Variants in LRRC4C observed in about 807,000 individuals in gnomAD.
LRRC4C encodes leucine rich repeat containing 4C.
In LRRC4C, 5 loss-of-function variants were observed where a neutral mutation model predicts 33.6. The observed-to-expected ratio is 0.15, with a 90% CI of 0.08 to 0.31. LRRC4C has a LOEUF of 0.31. Ranked by LOEUF, LRRC4C falls within the 10% of genes least tolerant of loss-of-function variation. LRRC4C has a pLI of 1.00. For missense variants in LRRC4C, 560 were observed against 796.7 expected (o/e 0.70, Z 3.58); for synonymous variants, 329 against 302.0 (o/e 1.09, Z -0.93).
At chr11:41,236,247 G>A (rs992763337) in intron 1 of LRRC4C, among the ~76,000 whole-genome samples, 12 of 152,076 alleles carry the variant, frequency 7.9e-5, no homozygotes, top group Admixed American at 7.9e-4. Flanking sequence ...AAAAGAAAGT[G>A]CTTGAATCTC....
chr11:41,455,481 C>T (rs1419949622), intron 1 of LRRC4C, among the ~76,000 whole-genome samples: 6 of 152,080 alleles, frequency 3.9e-5, no homozygotes, highest in African/African-American at 1.4e-4. Flanking sequence ...CACATATTCA[C>T]AAGTAACTAA....
intron 2 of LRRC4C, among the ~76,000 whole-genome samples, chr11:40,810,159 C>T (rs1459610676): frequency 6.6e-6 from 1 of 152,146 alleles, no homozygotes; most frequent in Non-Finnish European, 1.5e-5. Flanking sequence ...GTTCAGGTTA[C>T]CAGTGACCTT....
In LRRC4C at chr11:40,949,822, A is replaced by C. The variant is rs375674155; in HGVS notation, c.-495-16099T>G. ...AACTGCATCAACTAACGAGCAAAAT[A>C]ACCAGCTAACATCATAATGACAGGA... On this transcript the variant is annotated intron_variant, in intron 1 of 6. Transcript: ENST00000528697. 1.9e-4 allele frequency among the ~76,000 whole-genome samples: 29 copies of C among 152,010 alleles called. 2 individuals are homozygous for C. In the South Asian group the frequency reaches 5.4e-3, roughly 28 times the overall value.
intron 1 of LRRC4C, among the ~76,000 whole-genome samples, chr11:41,078,633 C>G (rs758610060): frequency 2.6e-5 from 4 of 152,058 alleles, no homozygotes; most frequent in African/African-American, 4.8e-5. Context: ...ATTAAGAGAA[C>G]AAGCAAAGGG....
At chr11:41,020,415 G>C (rs956399577) in intron 1 of LRRC4C, among the ~76,000 whole-genome samples, 10 of 152,124 alleles carry the variant, frequency 6.6e-5, no homozygotes, top group African/African-American at 2.4e-4. Context: ...ATTATGATGA[G>C]AGCATACTGG....
At chr11:41,334,416 T>C (rs956913816) in intron 1 of LRRC4C, among the ~76,000 whole-genome samples, 1 of 152,188 alleles carries the variant, frequency 6.6e-6, no homozygotes, top group African/African-American at 2.4e-5. Flanking sequence ...TTACTCTCTA[T>C]TTTCAAACGC....
chr11:40,422,357 C>G (rs959217628), intron 3 of LRRC4C, among the ~76,000 whole-genome samples: 6 of 152,046 alleles, frequency 3.9e-5, no homozygotes, highest in Non-Finnish European at 7.3e-5. Flanking sequence ...ACCACAGCTG[C>G]ATTATTTGAA....
intron 6 of LRRC4C, among the ~76,000 whole-genome samples, chr11:40,135,581 G>T (rs546483819): frequency 2.0e-5 from 3 of 152,292 alleles, no homozygotes; most frequent in African/African-American, 7.2e-5. Context: ...TAAGAAAGTA[G>T]GGAAGCCTGT....
chr11:40,973,740 A>T (rs1851893097), intron 1 of LRRC4C, among the ~76,000 whole-genome samples: 1 of 152,248 alleles, frequency 6.6e-6, no homozygotes, highest in African/African-American at 2.4e-5. Context: ...AGCAAAGATA[A>T]AAACTATAAC....
chr11:41,364,818 G>T (rs1475130783), intron 1 of LRRC4C, among the ~76,000 whole-genome samples: 1 of 152,100 alleles, frequency 6.6e-6, no homozygotes, highest in Non-Finnish European at 1.5e-5. Context: ...GACATAAAGA[G>T]AAATTGGCTG....
chr11:40,216,620 A>T lies in LRRC4C; in HGVS notation c.-96+24899T>A, dbSNP rs186738142. On this transcript the variant is annotated intron_variant, in intron 5 of 6. Coordinates refer to ENST00000528697, the MANE Select transcript of LRRC4C (RefSeq NM_001258419.2). ...GGGGAGGAAGAATAGCCCAGAAAGA[A>T]CACAGAACCGCAAGAAAAAGATCCA... Among the ~76,000 whole-genome samples the T allele has an allele frequency of 7.6e-4, 115 of 152,270 alleles. 2 individuals are homozygous for T. In the East Asian group the frequency reaches 0.015, roughly 20 times the overall value.
chr11:41,442,034 T>C (rs1378578332), intron 1 of LRRC4C, among the ~76,000 whole-genome samples: 1 of 152,220 alleles, frequency 6.6e-6, no homozygotes, highest in Non-Finnish European at 1.5e-5. Context: ...TTTATATAGT[T>C]GTCATTATAC....
chr11:40,711,343 A>AT (rs1163197648), intron 2 of LRRC4C, among the ~76,000 whole-genome samples: 2 of 152,230 alleles, frequency 1.3e-5, no homozygotes, highest in East Asian at 3.9e-4. Context: ...CGAACCTCAG[A>AT]TTTTACAACA....
intron 5 of LRRC4C, among the ~76,000 whole-genome samples, chr11:40,212,709 CATTT>C (rs1307014603): frequency 2.0e-5 from 3 of 152,108 alleles, no homozygotes; most frequent in African/African-American, 7.2e-5. Flanking sequence ...GGGCGTACTT[CATTT>C]GTCAGAAGAG....
chr11:40,899,075 C>T (rs1283987555), intron 2 of LRRC4C, among the ~76,000 whole-genome samples: 1 of 147,188 alleles, frequency 6.8e-6, no homozygotes, highest in African/African-American at 2.5e-5. Flanking sequence ...ATGTGCATTT[C>T]AGAATATGGA....
chr11:40,910,372 A>C (rs962778333), intron 2 of LRRC4C, among the ~76,000 whole-genome samples: 2 of 152,200 alleles, frequency 1.3e-5, no homozygotes, highest in African/African-American at 4.8e-5. Context: ...AGATGAAAAA[A>C]ACCCGGAGAT....
At chr11:40,356,676 G>A (rs1449229402) in intron 3 of LRRC4C, among the ~76,000 whole-genome samples, 1 of 152,128 alleles carries the variant, frequency 6.6e-6, no homozygotes, top group East Asian at 1.9e-4. Context: ...AAAACACAGT[G>A]ACATGCCAGT....
intron 4 of LRRC4C, among the ~76,000 whole-genome samples, chr11:40,277,302 T>C (rs1164122465): frequency 6.6e-6 from 1 of 152,094 alleles, no homozygotes; most frequent in African/African-American, 2.4e-5. Context: ...TGTGGTTTAT[T>C]TGTGGCAATC....
intron 4 of LRRC4C, among the ~76,000 whole-genome samples, chr11:40,299,653 T>G (rs2136655068): frequency 6.6e-6 from 1 of 152,348 alleles, no homozygotes; most frequent in Admixed American, 6.5e-5. Context: ...AAGAACTAGT[T>G]ATTTTAACAT....
Sources: allele counts gnomAD v4.1 joint callset (sites outside exome capture counted in the v4.1 genomes callset), GRCh38; gene constraint gnomAD v4.1.1; transcripts MANE v1.5; gene names NCBI Gene and HGNC (gene_info 2026-07-23, HGNC 2026-07-21).